PIK3R3: variants seen among roughly 807,000 people sequenced by gnomAD.
The protein encoded by PIK3R3 is phosphoinositide-3-kinase regulatory subunit 3, also known as phosphatidylinositol 3-kinase regulatory subunit gamma.
In PIK3R3, 64 loss-of-function variants were observed where a neutral mutation model predicts 62.9. The observed-to-expected ratio is 1.02, with a 90% CI of 0.83 to 1.25. The LOEUF (loss-of-function observed/expected upper bound fraction) is 1.25, where lower values mean the gene tolerates loss of function less well. Ranked by LOEUF, PIK3R3 falls within the 50% of genes most tolerant of loss-of-function variation. The pLI is 0.00. For missense variants in PIK3R3, 614 were observed against 561.6 expected (o/e 1.09, Z -0.94); for synonymous variants, 165 against 189.0 (o/e 0.87, Z 1.04).
chr1:46,078,864 A>G (rs938857007), intron 2 of PIK3R3, among the ~76,000 whole-genome samples: 1 of 152,226 alleles, frequency 6.6e-6, no homozygotes, highest in African/African-American at 2.4e-5. Context: ...AAGTGAAATA[A>G]GCCAGTCACA....
intron 1 of PIK3R3, among the ~76,000 whole-genome samples, chr1:46,127,801 T>G (rs1310066161): frequency 1.3e-5 from 2 of 152,292 alleles, no homozygotes; most frequent in East Asian, 3.9e-4. Flanking sequence ...CCTCAAACGA[T>G]CCTCCTGCTT....
chr1:46,138,848 T>TAGA, the PIK3R3 span: 1 of 152,242 alleles, frequency 6.6e-6, no homozygotes. Context: ...ATGATACACT[T>TAGA]ACAGTGATTT....
chr1:46,133,887 A>G (rs1410398316), upstream of PIK3R3, among the ~76,000 whole-genome samples: 1 of 152,036 alleles, frequency 6.6e-6, no homozygotes, highest in Non-Finnish European at 1.5e-5. Flanking sequence ...ATCTCTCACC[A>G]AAAGGGCTCT....
upstream of PIK3R3, among the ~76,000 whole-genome samples, chr1:46,136,029 C>CAAAAAAA (rs552872602): frequency 2.3e-5 from 1 of 43,288 alleles, no homozygotes; most frequent in Non-Finnish European, 5.0e-5. Context: ...GACTCAGTCT[C>CAAAAAAA]AAAAAAAAAA....
intron 1 of PIK3R3, among the ~76,000 whole-genome samples, chr1:46,103,414 C>CA (rs1448989055): frequency 1.3e-5 from 2 of 151,570 alleles, no homozygotes; most frequent in African/African-American, 4.8e-5. Flanking sequence ...TACTAAAATA[C>CA]AAAAAATTGG....
chr1:46,166,701 C>A, the PIK3R3 span, among the ~76,000 whole-genome samples: 1 of 152,190 alleles, frequency 6.6e-6, no homozygotes, highest in African/African-American at 2.4e-5. Flanking sequence ...CGCTTCCTTG[C>A]GAGGGTACCT....
At chr1:46,080,353 C>T (rs1650464251) in intron 2 of PIK3R3, among the ~76,000 whole-genome samples, 1 of 152,008 alleles carries the variant, frequency 6.6e-6, no homozygotes, top group Non-Finnish European at 1.5e-5. Flanking sequence ...TGAGCCACTG[C>T]ACCCGGCCTT....
At chr1:46,158,893 C>T in the PIK3R3 span, among the ~76,000 whole-genome samples, 4 of 152,082 alleles carry the variant, frequency 2.6e-5, no homozygotes, top group East Asian at 5.8e-4. Context: ...CGAGACCAGC[C>T]TAACCAATAT....
the PIK3R3 span, among the ~76,000 whole-genome samples, chr1:46,167,046 AC>A: frequency 4.0e-5 from 6 of 151,872 alleles, no homozygotes; most frequent in South Asian, 4.2e-4. Context: ...TTATAGCCCC[AC>A]CCCGCGACTA....
At chr1:46,105,353 A>G (rs1653099047) in intron 1 of PIK3R3, among the ~76,000 whole-genome samples, 3 of 152,106 alleles carry the variant, frequency 2.0e-5, no homozygotes, top group Admixed American at 6.6e-5. Context: ...TACAAAAATT[A>G]GCTGACATGG....
At chr1:46,063,428 C>A (rs1273177245) in intron 5 of PIK3R3, among the ~76,000 whole-genome samples, 1 of 152,190 alleles carries the variant, frequency 6.6e-6, no homozygotes, top group African/African-American at 2.4e-5. Context: ...TGCCAAATAT[C>A]TTGGTACTAA....
chr1:46,046,970 T>C, intron 7 of PIK3R3: 1 of 293,608 alleles, frequency 3.4e-6, no homozygotes, highest in Non-Finnish European at 6.3e-6. Flanking sequence ...TAGCATGGTG[T>C]CACATTTGCA....
intron 7 of PIK3R3, among the ~76,000 whole-genome samples, chr1:46,048,691 T>C (rs143972791): frequency 3.7e-4 from 56 of 151,904 alleles, no homozygotes; most frequent in South Asian, 1.9e-3. Flanking sequence ...CCACACACAA[T>C]GTTAGGAACT....
At chr1:46,058,644 G>A (rs1300353626) in intron 6 of PIK3R3, among the ~76,000 whole-genome samples, 9 of 152,238 alleles carry the variant, frequency 5.9e-5, no homozygotes, top group Admixed American at 5.9e-4. Context: ...CTGGATTTCA[G>A]ACTTGCATGG....
intron 1 of PIK3R3, among the ~76,000 whole-genome samples, chr1:46,130,361 G>T (rs1655474280): frequency 2.0e-5 from 3 of 152,084 alleles, no homozygotes. Flanking sequence ...GGAAACAAAG[G>T]GGGAAAGACA....
rs748112348 is a variant in PIK3R3, at chr1:46,080,754, G to C, written c.107-4C>G. On this transcript the variant is annotated splice_region_variant and splice_polypyrimidine_tract_variant and intron_variant, in intron 1 of 9. Coordinates refer to ENST00000262741, the MANE Select transcript of PIK3R3 (RefSeq NM_003629.4). ...TTAGGTGGCTTTGGTGGAAGAGCTA[G>C]AAGAGAAATGAATATTACTCTGTAG... 3.8e-6 allele frequency: 6 copies of C among 1,579,000 alleles called. No homozygotes were observed. Among genetic ancestry groups the C allele is most frequent in the Non-Finnish European group, 5.2e-6 (6 of 1,148,152 alleles).
intron 3 of PIK3R3, among the ~76,000 whole-genome samples, chr1:46,071,059 G>C (rs1193788735): frequency 6.6e-6 from 1 of 152,040 alleles, no homozygotes; most frequent in East Asian, 1.9e-4. Context: ...CAATGACTTT[G>C]AACAAATTCA....
At chr1:46,134,859 G>A (rs1406420214), upstream of PIK3R3, among the ~76,000 whole-genome samples, 6 of 152,218 alleles carry the variant, frequency 3.9e-5, no homozygotes, top group Non-Finnish European at 7.4e-5. Context: ...CTAAGGCTTT[G>A]AGAGATGAAG....
At chr1:46,056,053 T>G (rs1364949090) in intron 6 of PIK3R3, 82 bp from the exon 7 acceptor site, 1 of 229,886 alleles carries the variant, frequency 4.3e-6, no homozygotes, top group African/African-American at 2.9e-5. Flanking sequence ...CCTAATATCC[T>G]TTTTTTTTTT....
Sources: gnomAD v4.1 joint callset for allele counts (sites outside exome capture counted in the v4.1 genomes callset) on GRCh38, gnomAD v4.1.1 for gene constraint, MANE v1.5 for transcripts, NCBI Gene and HGNC (gene_info 2026-07-23, HGNC 2026-07-21) for gene names.